DHRSX: variants seen among roughly 807,000 people sequenced by gnomAD.
DHRSX encodes the protein dehydrogenase/reductase X-linked.
A neutral mutation model predicts 34.0 loss-of-function variants in DHRSX; 31 were observed. The ratio of observed to expected loss-of-function variants is 0.91; its 90% CI spans 0.69 to 1.23. The LOEUF (loss-of-function observed/expected upper bound fraction) is 1.23, where lower values mean the gene tolerates loss of function less well. DHRSX is among the 50% of genes most tolerant of loss of function. The pLI is 0.00. For missense variants in DHRSX, 414 were observed against 428.1 expected (o/e 0.97, Z 0.29); for synonymous variants, 201 against 183.8 (o/e 1.09, Z -0.76).
intron 1 of DHRSX, among the ~76,000 whole-genome samples, chrX:2,482,721 T>A (rs1217100873): frequency 1.3e-5 from 2 of 152,238 alleles, no homozygotes; most frequent in African/African-American, 4.8e-5. Flanking sequence ...CTAGAAATCC[T>A]GCAGTAACTG....
chrX:2,355,582 C>T (rs2042840782), intron 3 of DHRSX, among the ~76,000 whole-genome samples: 1 of 139,454 alleles, frequency 7.2e-6, no homozygotes, highest in African/African-American at 2.6e-5. Flanking sequence ...ACAGCAATTA[C>T]TTTTGCACCA....
At chrX:2,450,995 G>C (rs1352659994) in intron 1 of DHRSX, among the ~76,000 whole-genome samples, 3 of 151,978 alleles carry the variant, frequency 2.0e-5, no homozygotes, top group Non-Finnish European at 4.4e-5. Flanking sequence ...TATGAACCAG[G>C]AAGTGGGTCC....
chrX:2,294,853 C>A (rs1176848500), intron 3 of DHRSX, among the ~76,000 whole-genome samples: 4 of 150,652 alleles, frequency 2.7e-5, no homozygotes, highest in African/African-American at 9.8e-5. Flanking sequence ...AGAGAGCAGA[C>A]AGAAAAAGAA....
intron 6 of DHRSX, among the ~76,000 whole-genome samples, chrX:2,238,344 G>A (rs906075730): frequency 1.8e-4 from 28 of 152,010 alleles, no homozygotes; most frequent in Non-Finnish European, 3.4e-4. Flanking sequence ...GTGACAGGGC[G>A]AGACCCCATC....
At chrX:2,485,549 AGGGAGGGACAGAGGGAGGGAGGAAAGG>A (rs2044870109) in intron 1 of DHRSX, among the ~76,000 whole-genome samples, 1 of 118,922 alleles carries the variant, frequency 8.4e-6, no homozygotes, top group African/African-American at 3.3e-5. Flanking sequence ...GAGAAAAGGG[AGGGAGGGACAGAGGGAGGGAGGAAAGG>A]AAGGAAGGAG....
intron 2 of DHRSX, among the ~76,000 whole-genome samples, chrX:2,420,359 G>A (rs1172300279): frequency 6.6e-6 from 1 of 151,566 alleles, no homozygotes; most frequent in African/African-American, 2.4e-5. Context: ...GGTGAGCTGA[G>A]ATCGCGCCAC....
At chrX:2,293,193 T>G (rs938740219) in intron 3 of DHRSX, among the ~76,000 whole-genome samples, 7 of 151,926 alleles carry the variant, frequency 4.6e-5, no homozygotes, top group African/African-American at 1.7e-4. Flanking sequence ...TCACTCTTTC[T>G]CTCTAAATTC....
chrX:2,301,108 G>A (rs1324054881), intron 3 of DHRSX, among the ~76,000 whole-genome samples: 4 of 152,154 alleles, frequency 2.6e-5, no homozygotes, highest in Non-Finnish European at 4.4e-5. Flanking sequence ...CTAAGTTCTC[G>A]TGCTAGTAAG....
At chrX:2,332,372 T>G (rs35029191) in intron 3 of DHRSX, among the ~76,000 whole-genome samples, 39,612 of 151,906 alleles carry the variant, frequency 0.26, 6,142 homozygotes, top group African/African-American at 0.43. Context: ...CAGAAGCTAG[T>G]TAGTGTGTGC....
intron 1 of DHRSX, among the ~76,000 whole-genome samples, chrX:2,454,454 G>A (rs2044268452): frequency 6.6e-6 from 1 of 151,700 alleles, no homozygotes; most frequent in Non-Finnish European, 1.5e-5. Context: ...TTCAACCCGG[G>A]AGATGTTGGC....
At chrX:2,480,966 C>CA (rs993597983) in intron 1 of DHRSX, among the ~76,000 whole-genome samples, 3 of 151,442 alleles carry the variant, frequency 2.0e-5, no homozygotes, top group African/African-American at 4.8e-5. Context: ...ATTCTCACCA[C>CA]AAAAAAAAGT....
At chrX:2,430,618 C>G (rs1327015242) in intron 1 of DHRSX, among the ~76,000 whole-genome samples, 2 of 152,112 alleles carry the variant, frequency 1.3e-5, no homozygotes, top group Non-Finnish European at 2.9e-5. Context: ...CACCTGCAAG[C>G]CTTCCTCCAC....
At chrX:2,488,215 C>A (rs2044999910) in intron 1 of DHRSX, 1 of 173,084 alleles carries the variant, frequency 5.8e-6, no homozygotes, top group Non-Finnish European at 1.2e-5. Flanking sequence ...GAGTCTCGCT[C>A]TTGTCGCCCA....
intron 5 of DHRSX, among the ~76,000 whole-genome samples, chrX:2,244,875 T>C (rs1430130187): frequency 6.6e-6 from 1 of 151,806 alleles, no homozygotes; most frequent in Non-Finnish European, 1.5e-5. Flanking sequence ...CCTGCCTGGC[T>C]AATTTTTTGT....
intron 3 of DHRSX, among the ~76,000 whole-genome samples, chrX:2,301,111 C>T (rs2042003601): frequency 6.6e-6 from 1 of 152,144 alleles, no homozygotes; most frequent in Non-Finnish European, 1.5e-5. Flanking sequence ...AGTTCTCGTG[C>T]TAGTAAGAAA....
chrX:2,382,666 CCAT>C (rs1233533488), intron 3 of DHRSX, among the ~76,000 whole-genome samples: 95 of 74,164 alleles, frequency 1.3e-3, no homozygotes, highest in African/African-American at 4.4e-3. Flanking sequence ...ACCATCATCA[CCAT>C]CATCATCACC....
chrX:2,271,442 T>C (rs192985090), intron 4 of DHRSX, among the ~76,000 whole-genome samples: 2 of 152,336 alleles, frequency 1.3e-5, no homozygotes, highest in East Asian at 3.9e-4. Flanking sequence ...ATGAGCAGAC[T>C]GTTCAGGTGC....
intron 3 of DHRSX, among the ~76,000 whole-genome samples, chrX:2,300,246 C>T (rs972016145): frequency 6.6e-6 from 1 of 152,092 alleles, no homozygotes; most frequent in Non-Finnish European, 1.5e-5. Context: ...GAGCCGTGCC[C>T]TCCCTCACTC....
At position 2,236,187 on chromosome X, in the gene DHRSX, G is replaced by A. The variant is rs188468988; in HGVS notation, c.804+6836C>T. Among the ~76,000 whole-genome samples, 273 of 152,152 alleles carry A rather than the reference G, an allele frequency of 1.8e-3. 1 individual carries two copies. Among genetic ancestry groups the A allele is most frequent in the African/African-American group, 6.2e-3 (259 of 41,558 alleles). Reference sequence around the variant, plus strand: ...TAAATTTATAATAAATAAGTGAATCGATAAATACATAAGCCAATTGGTGAG... The same window carrying A: ...TAAATTTATAATAAATAAGTGAATCAATAAATACATAAGCCAATTGGTGAG... On this transcript the variant is annotated intron_variant, in intron 6 of 6. Coordinates refer to ENST00000334651, the MANE Select transcript of DHRSX (RefSeq NM_145177.3).
Sources: allele counts gnomAD v4.1 joint callset (sites outside exome capture counted in the v4.1 genomes callset), GRCh38; gene constraint gnomAD v4.1.1; transcripts MANE v1.5; gene names NCBI Gene and HGNC (gene_info 2026-07-23, HGNC 2026-07-21).